Variants in RIT2 observed in about 807,000 individuals in gnomAD.
The protein encoded by RIT2 is GTP-binding protein Rit2.
RIT2 carries 24 observed loss-of-function variants against 23.7 expected under a neutral mutation model. The observed-to-expected ratio is 1.01, with a 90% CI of 0.73 to 1.43. The LOEUF is 1.43. Among genes scored for constraint, RIT2 ranks in the 40% most tolerant of loss-of-function variants. RIT2 has a pLI of 0.00. For synonymous variants in RIT2, 107 were observed against 91.1 expected (o/e 1.17, Z -0.99); for missense variants, 236 against 266.9 (o/e 0.88, Z 0.81).
At chr18:42,816,927 C>A (rs1293450890) in intron 4 of RIT2, among the ~76,000 whole-genome samples, 5 of 152,132 alleles carry the variant, frequency 3.3e-5, no homozygotes, top group Non-Finnish European at 7.4e-5. Context: ...TAAAAAATAA[C>A]TGGGGATCTT....
intron 4 of RIT2, among the ~76,000 whole-genome samples, chr18:42,839,559 G>A (rs1466951996): frequency 6.6e-6 from 1 of 152,178 alleles, no homozygotes; most frequent in African/African-American, 2.4e-5. Context: ...AAAGTATAAT[G>A]TGATACTATA....
At chr18:43,062,470 T>C (rs1310118125) in intron 1 of RIT2, among the ~76,000 whole-genome samples, 1 of 152,148 alleles carries the variant, frequency 6.6e-6, no homozygotes, top group Non-Finnish European at 1.5e-5. Flanking sequence ...GATTTACTTT[T>C]TATAGCTTAG....
chr18:43,111,878 A>G (rs1030681889), intron 1 of RIT2, among the ~76,000 whole-genome samples: 1 of 151,982 alleles, frequency 6.6e-6, no homozygotes, highest in Non-Finnish European at 1.5e-5. Flanking sequence ...AGGTCTCTTC[A>G]CCTCTCAATG....
intron 1 of RIT2, among the ~76,000 whole-genome samples, chr18:43,056,613 A>G (rs1246615445): frequency 6.6e-6 from 1 of 152,132 alleles, no homozygotes; most frequent in African/African-American, 2.4e-5. Context: ...CCATTTTATT[A>G]CACCTTGAAC....
chr18:42,800,462 A>G (rs1905499168), intron 4 of RIT2, among the ~76,000 whole-genome samples: 1 of 152,002 alleles, frequency 6.6e-6, no homozygotes, highest in African/African-American at 2.4e-5. Flanking sequence ...AGTAAATGTC[A>G]GAGCCGATCT....
Position 43,111,357 on chromosome 18 carries a change from G to A in RIT2, c.103+4060C>T, listed in dbSNP as rs185119167. Among the ~76,000 whole-genome samples the A allele has an allele frequency of 2.2e-3, 341 of 152,196 alleles. 5 individuals are homozygous for A. In the South Asian group the frequency reaches 0.037, roughly 16 times the overall value. ...ATGGGTACAAAATTGTGGTTAGATG[G>A]AATGAATAAGATCTAACATTTGATA... On this transcript the variant is annotated intron_variant, in intron 1 of 4. Coordinates refer to ENST00000326695, the MANE Select transcript of RIT2 (RefSeq NM_002930.4).
intron 1 of RIT2, among the ~76,000 whole-genome samples, chr18:43,113,543 T>C (rs1914000314): frequency 6.6e-6 from 1 of 152,138 alleles, no homozygotes. Context: ...TCCATAGTCA[T>C]TGGAACAGTA....
At chr18:42,848,017 C>T (rs1417410716) in intron 4 of RIT2, among the ~76,000 whole-genome samples, 1 of 151,060 alleles carries the variant, frequency 6.6e-6, no homozygotes, top group Non-Finnish European at 1.5e-5. Context: ...AGAGACATTA[C>T]CCAGCTGCTG....
At chr18:43,037,830 CTGTT>C (rs1275382429) in intron 1 of RIT2, among the ~76,000 whole-genome samples, 1 of 152,048 alleles carries the variant, frequency 6.6e-6, no homozygotes, top group African/African-American at 2.4e-5. Flanking sequence ...ACCATGTTAA[CTGTT>C]TGGTCTGTTT....
intron 4 of RIT2, among the ~76,000 whole-genome samples, chr18:42,901,868 T>C (rs1809566112): frequency 6.6e-6 from 1 of 151,948 alleles, no homozygotes; most frequent in South Asian, 2.1e-4. Flanking sequence ...TCCAAAGCTC[T>C]CTGGAAAAAT....
At chr18:42,791,193 ATT>A (rs1181829859) in intron 4 of RIT2, among the ~76,000 whole-genome samples, 1 of 152,144 alleles carries the variant, frequency 6.6e-6, no homozygotes, top group Non-Finnish European at 1.5e-5. Flanking sequence ...AGATAATCTA[ATT>A]TTCTTTTTTT....
intron 1 of RIT2, among the ~76,000 whole-genome samples, chr18:43,104,709 A>T (rs1424388922): frequency 1.3e-5 from 2 of 152,124 alleles, no homozygotes; most frequent in African/African-American, 4.8e-5. Context: ...AACAGTAAAT[A>T]AATAAATAAA....
At chr18:42,871,691 T>C (rs542744381) in intron 4 of RIT2, among the ~76,000 whole-genome samples, 21 of 152,016 alleles carry the variant, frequency 1.4e-4, no homozygotes, top group African/African-American at 5.1e-4. Flanking sequence ...AGATGTTCTG[T>C]ATGTCTCATG....
intron 3 of RIT2, among the ~76,000 whole-genome samples, chr18:42,969,363 T>A (rs556548465): frequency 6.6e-6 from 1 of 152,064 alleles, no homozygotes; most frequent in Non-Finnish European, 1.5e-5. Context: ...AAAAATAAAT[T>A]GTGGCTAAAA....
chr18:43,012,896 G>A (rs1048913352), intron 2 of RIT2, among the ~76,000 whole-genome samples: 3 of 151,638 alleles, frequency 2.0e-5, no homozygotes, highest in African/African-American at 7.3e-5. Context: ...CACATGCAAA[G>A]GTCACACATT....
intron 2 of RIT2, among the ~76,000 whole-genome samples, chr18:42,997,366 T>C (rs549141959): frequency 6.6e-6 from 1 of 150,890 alleles, no homozygotes; most frequent in South Asian, 2.1e-4. Flanking sequence ...AAAAGCAATG[T>C]TGAGAAACCA....
At chr18:42,832,819 G>A (rs918434851) in intron 4 of RIT2, among the ~76,000 whole-genome samples, 8 of 152,038 alleles carry the variant, frequency 5.3e-5, no homozygotes, top group African/African-American at 1.4e-4. Context: ...TTGGGAGGCT[G>A]AGGTGGGCAG....
At chr18:43,030,198 A>C (rs549081116) in intron 2 of RIT2, among the ~76,000 whole-genome samples, 3 of 152,216 alleles carry the variant, frequency 2.0e-5, no homozygotes, top group Admixed American at 6.6e-5. Context: ...AAAATATTCA[A>C]CATTCTAAAA....
intron 2 of RIT2, among the ~76,000 whole-genome samples, chr18:42,987,191 T>C (rs953088816): frequency 2.0e-5 from 3 of 152,202 alleles, no homozygotes; most frequent in Admixed American, 2.0e-4. Context: ...TGCGTACGTA[T>C]ACACACACAT....
Sources: gnomAD v4.1 joint callset for allele counts (sites outside exome capture counted in the v4.1 genomes callset) on GRCh38, gnomAD v4.1.1 for gene constraint, MANE v1.5 for transcripts, NCBI Gene and HGNC (gene_info 2026-07-23, HGNC 2026-07-21) for gene names.